Variants in NR1D1 observed in about 807,000 individuals in gnomAD.
NR1D1 encodes Rev-ErbAalpha.
NR1D1 carries 17 observed loss-of-function variants against 51.1 expected under a neutral mutation model. The ratio of observed to expected loss-of-function variants is 0.33; its 90% confidence interval spans 0.23 to 0.50. The LOEUF (loss-of-function observed/expected upper bound fraction) is 0.50, where lower values mean the gene tolerates loss of function less well. NR1D1 is among the 20% of genes least tolerant of loss of function. The pLI, the probability that NR1D1 is intolerant of heterozygous loss-of-function variation, is 0.98. For missense variants in NR1D1, 647 were observed against 830.4 expected, an observed-to-expected ratio of 0.78 and a Z score of 2.71; for synonymous variants, 341 against 333.4, an observed-to-expected ratio of 1.02 and a Z score of -0.25.
At chr17:40,095,242 T>C in intron 5 of NR1D1, 122 bp from the exon 6 acceptor site, 1 of 1,187,134 alleles carries the variant, frequency 8.4e-7, no homozygotes, top group Non-Finnish European at 1.2e-6. Context: ...AGGATGGGTC[T>C]TTCAGATAAA....
rs1987688591 is a variant in NR1D1 at position 40,093,926 on chromosome 17, A to G, written c.1631T>C (p.Val544Ala). Residue 544 changes from valine to alanine, a missense_variant, in exon 7 of 8, where the codon GTG becomes GCG. Physicochemically the swap from Val to Ala is moderately conservative, Grantham distance 64 (BLOSUM62 0). Coordinates refer to ENST00000246672, the MANE Select transcript of NR1D1 (RefSeq NM_021724.5). This position sits in a 1 kb window ranked among gnomAD's most constrained non-coding sequence, Gnocchi z 5.9. ...GCCTGACCTACCTGCAGAGACAAGC[A>G]CCACCGCGGTGAAGAGGCCCAGCTC... is the stretch of plus-strand genomic sequence containing the variant. ...EEELGLFTAVVLVSADRSGME... is the reference protein window; with the variant it reads ...EEELGLFTAVALVSADRSGME... 1 of 1,613,264 alleles carries G rather than the reference A, an allele frequency of 6.2e-7. No homozygotes were observed. The highest frequency in any genetic ancestry group is 1.7e-5 in the Admixed American group (1 of 60,006).
In NR1D1 at chr17:40,093,338, C is replaced by G; in HGVS notation, c.1646-56G>C. 1 of 1,613,076 alleles carries G rather than the reference C, an allele frequency of 6.2e-7. No individual in the cohort carries two copies. Among genetic ancestry groups the G allele is most frequent in the Non-Finnish European group, 8.5e-7 (1 of 1,179,946 alleles). On this transcript the variant is annotated intron_variant, in intron 7 of 7. Transcript: ENST00000246672. This position sits in a 1 kb window ranked among gnomAD's most constrained non-coding sequence, Gnocchi z 5.9. ...CTCCCCGAGCTCCTCTGAGGAGGAA[C>G]CGGAGGTCTGCGAGGACCTGGCAGG...
At position 40,096,007 on chromosome 17, in the gene NR1D1, T is replaced by G. The variant is rs1987754692; in HGVS notation, c.685A>C (p.Asn229His). Residue 229 changes from asparagine to histidine, a missense_variant, in exon 5 of 8, where the codon AAC (asparagine) becomes CAC (histidine). Coordinates refer to ENST00000246672, the MANE Select transcript of NR1D1 (RefSeq NM_021724.5). The part of the protein sequence containing the change: ...EMQSAMNLAN[N>H]QLSSQCPLET... ...AGCGGGCACTGGCTGCTCAACTGGT[T>G]GTTGGCCAGGTTCATGGCACTCTGC... The G allele has an allele frequency of 1.9e-6, 3 of 1,612,594 alleles. No individual in the cohort carries two copies. Among genetic ancestry groups the G allele is most frequent in the South Asian group, 2.2e-5 (2 of 91,084 alleles).
At position 40,097,285 on chromosome 17, in the gene NR1D1, G is replaced by T; in HGVS notation, c.150C>A (p.Thr50=). 6.2e-7 allele frequency: 1 copy of T among 1,613,988 alleles called. No homozygotes were observed. Among genetic ancestry groups the T allele is most frequent in the East Asian group, 2.2e-5 (1 of 44,884 alleles). The change falls in exon 2 of 8, where the codon ACC becomes ACA. Residue 50 remains threonine (T), a synonymous_variant. Coordinates refer to ENST00000246672, the MANE Select transcript of NR1D1 (RefSeq NM_021724.5). ...AGCCAGTGGGGGATGGTGGGAAGTA[G>T]GTGGGACAGCCTTGGGTCAGGGACT... The part of the protein sequence containing the change: ...SFQSLTQGCP[T]YFPPSPTGSL...
intron 4 of NR1D1, 88 bp downstream of exon 4, chr17:40,096,355 G>A (rs1987762526): frequency 3.8e-6 from 6 of 1,573,018 alleles, no homozygotes; most frequent in South Asian, 2.2e-5. Flanking sequence ...AGTATGATGT[G>A]TCTCCATTTG....
rs565582512 is a variant in NR1D1 at position 40,093,766 on chromosome 17, G to A, written c.1645+146C>T. 2.8e-6 allele frequency: 2 copies of A among 718,866 alleles called. No homozygotes were observed. Among genetic ancestry groups the A allele is most frequent in the Non-Finnish European group, 2.3e-6 (1 of 436,540 alleles). The allele number at this position is 718,866 out of a possible 1,614,324, so 44.5% of individuals were successfully genotyped here. A position where few individuals can be genotyped will look rare whatever the true frequency, so the allele number is the denominator to read the frequency against. ...TTTATAATTAGTCGGGCATGAGTCT[G>A]TTTCCCAAGCTAGACTGTGTCTGAA... On this transcript the variant is annotated intron_variant, in intron 7 of 7. Coordinates refer to ENST00000246672, the MANE Select transcript of NR1D1 (RefSeq NM_021724.5). This position sits in a 1 kb window ranked among gnomAD's most constrained non-coding sequence, Gnocchi z 5.9.
At chr17:40,096,979 G>T in intron 2 of NR1D1, 86 bp downstream of exon 2, 1 of 1,360,334 alleles carries the variant, frequency 7.4e-7, no homozygotes, top group Non-Finnish European at 1.0e-6. Flanking sequence ...AATAGGTCCT[G>T]GCAAGACTGG....
rs201903415 is a variant in NR1D1, at chr17:40,093,255, G to A, written c.1673C>T (p.Ser558Leu). The A allele has an allele frequency of 2.7e-5, 44 of 1,613,646 alleles. No individual in the cohort carries two copies. In the East Asian group the frequency reaches 4.5e-4, roughly 16 times the overall value. ...ADRSGMENSA[S>L]VEQLQETLLR... is the part of the protein sequence containing the mutation. ...CAGCGTCTCCTGGAGCTGCTCCACC[G>A]AAGCGGAATTCTCCATGCCCGAGCG... Residue 558 changes from serine to leucine, a missense_variant, in exon 8 of 8, where the codon TCG becomes TTG. Coordinates refer to ENST00000246672, the MANE Select transcript of NR1D1 (RefSeq NM_021724.5). The surrounding 1 kb of genome is among the most constrained non-coding windows in gnomAD (Gnocchi z 5.9).
chr17:40,099,341 G>A (rs12941497), intron 1 of NR1D1, among the ~76,000 whole-genome samples: 50,378 of 152,130 alleles, frequency 0.33, 9,177 homozygotes, highest in East Asian at 0.53. Flanking sequence ...CGCGTTGCCG[G>A]GGCGACCGGG....
rs1987770101 is a variant in NR1D1 at position 40,096,673 on chromosome 17, A to ACC, written c.459+16_459+17dup. On this transcript the variant is annotated intron_variant, in intron 3 of 7. Coordinates refer to ENST00000246672, the MANE Select transcript of NR1D1 (RefSeq NM_021724.5). ...GAGGGGGCCACCTGCCCCTGCCCTT[A>ACC]CCCCCAGTCCGCCTCACCTTGCAGC... The ACC allele has an allele frequency of 1.2e-6, 2 of 1,613,782 alleles. No homozygotes were observed. The highest frequency in any genetic ancestry group is 2.7e-5 in the African/African-American group (2 of 74,862).
chr17:40,099,322 A>G (rs911643158), intron 1 of NR1D1, among the ~76,000 whole-genome samples: 3 of 152,154 alleles, frequency 2.0e-5, no homozygotes, highest in African/African-American at 4.8e-5. Context: ...GGGAGGAGAG[A>G]AGGGAACACG....
chr17:40,094,089 C>T lies in NR1D1; in HGVS notation c.1468G>A (p.Val490Met), dbSNP rs369741743. Reference protein sequence around the residue: ...LMVRFASLFNVKDQTVMFLSR... With the variant: ...LMVRFASLFNMKDQTVMFLSR... ...AGGAACATCACTGTCTGGTCCTTCA[C>T]GTTGAACAACGAAGCAAAGCGCACC... Residue 490 changes from valine (V) to methionine (M), a missense_variant, in exon 7 of 8, where the codon GTG becomes ATG. Physicochemically the swap from Val to Met is conservative, Grantham distance 21. Around this residue, in one of 7 missense-constraint regions of NR1D1, gnomAD observed 155 missense variants for 236.8 expected, o/e 0.65. Coordinates refer to ENST00000246672, the MANE Select transcript of NR1D1 (RefSeq NM_021724.5). The T allele has an allele frequency of 9.9e-6, 16 of 1,613,844 alleles. No individual in the cohort carries two copies. Among genetic ancestry groups the T allele is most frequent in the African/African-American group, 5.3e-5 (4 of 74,912 alleles).
At chr17:40,094,160 G>A in intron 6 of NR1D1, 38 bp from the exon 7 acceptor site, 1 of 1,594,232 alleles carries the variant, frequency 6.3e-7, no homozygotes, top group South Asian at 1.1e-5. Context: ...GGGTGTGGTG[G>A]GAGGAGCACT....
Position 40,096,008 on chromosome 17 carries a change from G to A in NR1D1, c.684C>T (p.Asn228=), listed in dbSNP as rs1157489015. Residue 228 remains asparagine (N), a synonymous_variant, in exon 5 of 8, where the codon AAC becomes AAT. Transcript: ENST00000246672. Reference sequence around the variant, plus strand: ...GCGGGCACTGGCTGCTCAACTGGTTGTTGGCCAGGTTCATGGCACTCTGCA... The same window carrying A: ...GCGGGCACTGGCTGCTCAACTGGTTATTGGCCAGGTTCATGGCACTCTGCA... The part of the protein sequence containing the change: ...AEMQSAMNLA[N]NQLSSQCPLE... 1.9e-6 allele frequency: 3 copies of A among 1,612,664 alleles called. No homozygotes were observed. Among genetic ancestry groups the A allele is most frequent in the East Asian group, 2.2e-5 (1 of 44,894 alleles).
rs777125480 is a variant in NR1D1 at position 40,096,819 on chromosome 17, G to C, written c.371-40C>G. On this transcript the variant is annotated intron_variant, in intron 2 of 7. Coordinates refer to ENST00000246672, the MANE Select transcript of NR1D1 (RefSeq NM_021724.5). Reference sequence around the variant, plus strand: ...GGCAGCAGGTGAGCAGGAGAGGCCAGGCTGAGTGGCCACAGGTGTGGAGGC... The same window carrying C: ...GGCAGCAGGTGAGCAGGAGAGGCCACGCTGAGTGGCCACAGGTGTGGAGGC... 4 of 1,588,566 alleles carry C rather than the reference G, an allele frequency of 2.5e-6. No individual in the cohort carries two copies. The African/African-American group carries it at 5.4e-5, about 21-fold the overall frequency.
chr17:40,094,351 T>C (rs1012782302), intron 6 of NR1D1, among the ~76,000 whole-genome samples: 1 of 152,294 alleles, frequency 6.6e-6, no homozygotes, highest in East Asian at 1.9e-4. Flanking sequence ...GGGCAAGGCA[T>C]TCACCAAAGT....
chr17:40,093,049 C>A lies in NR1D1; in HGVS notation c.*34G>T. On this transcript the variant is annotated 3_prime_UTR_variant, in exon 8 of 8. Transcript: ENST00000246672. This position sits in a 1 kb window ranked among gnomAD's most constrained non-coding sequence, Gnocchi z 5.9. ...GAGAAGTGCAGAGTTCGATTCTGTA[C>A]AAGGGGGCAGCGGCAGAAGGCCGGC... is the stretch of plus-strand genomic sequence containing the variant. 1 of 1,614,076 alleles carries A rather than the reference C, an allele frequency of 6.2e-7. No individual in the cohort carries two copies. The highest frequency in any genetic ancestry group is 1.1e-5 in the South Asian group (1 of 91,080).
intron 1 of NR1D1, among the ~76,000 whole-genome samples, chr17:40,098,861 GTC>G (rs1987815945): frequency 6.6e-6 from 1 of 152,196 alleles, no homozygotes; most frequent in Admixed American, 6.5e-5. Flanking sequence ...GGGAAGCTGA[GTC>G]TAAATGCAGT....
At chr17:40,098,596 AGTCTAG>A (rs1381179356) in intron 1 of NR1D1, among the ~76,000 whole-genome samples, 1 of 152,184 alleles carries the variant, frequency 6.6e-6, no homozygotes. Flanking sequence ...CATACTCAAG[AGTCTAG>A]GTCTAGGTCT....
Sources: allele counts gnomAD v4.1 joint callset (sites outside exome capture counted in the v4.1 genomes callset), GRCh38; gene constraint gnomAD v4.1.1; regional missense constraint gnomAD v4.1.1; non-coding constraint Gnocchi (gnomAD v3.1); transcripts MANE v1.5; gene names NCBI Gene and HGNC (gene_info 2026-07-23, HGNC 2026-07-21).